PFKM: variants seen among roughly 807,000 people sequenced by gnomAD.
The protein encoded by PFKM is phosphofructokinase, muscle.
PFKM carries 58 observed loss-of-function variants against 95.5 expected under a neutral mutation model. That is an observed-to-expected ratio of 0.61 (90% CI 0.49 to 0.76). PFKM has a LOEUF of 0.76. PFKM is among the 30% of genes least tolerant of loss of function. The pLI is 0.00. For synonymous variants in PFKM, 336 were observed against 357.2 expected (o/e 0.94, Z 0.67); for missense variants, 678 against 1,005.4 (o/e 0.67, Z 4.40).
In PFKM at chr12:48,131,272, A is replaced by G. The variant is rs116172105; in HGVS notation, c.160-44A>G. On this transcript the variant is annotated intron_variant, in intron 3 of 22. Transcript: ENST00000359794. ...GATCCTGTCTTAATCTTGGGAATTT[A>G]TAGAGAAGCCTAACGGGCTGAACAG... is the stretch of plus-strand genomic sequence containing the variant. 2,037 of 1,342,366 alleles carry G rather than the reference A, an allele frequency of 1.5e-3. 28 individuals carry two copies. The African/African-American group carries it at 0.026, about 17-fold the overall frequency. The allele number at this position is 1,342,366 out of a possible 1,614,324, so 83.2% of individuals were successfully genotyped here. A position where few individuals can be genotyped will look rare whatever the true frequency, so the allele number is the denominator to read the frequency against.
intron 2 of PFKM, among the ~76,000 whole-genome samples, chr12:48,129,475 T>G (rs902654120): frequency 1.3e-5 from 2 of 152,102 alleles, no homozygotes; most frequent in African/African-American, 2.4e-5. Context: ...TAGCAAATAT[T>G]TGTTGACTAA....
intron 11 of PFKM, among the ~76,000 whole-genome samples, chr12:48,138,328 G>A (rs1950280348): frequency 6.6e-6 from 1 of 152,208 alleles, no homozygotes; most frequent in African/African-American, 2.4e-5. Flanking sequence ...ATTAGCATGT[G>A]ATACAGTACC....
chr12:48,137,595 C>G, intron 10 of PFKM, 126 bp from the exon 11 acceptor site: 1 of 1,082,624 alleles, frequency 9.2e-7, no homozygotes, highest in Non-Finnish European at 1.4e-6. Flanking sequence ...AAGTTCTTTG[C>G]TGCAGTTCTT....
chr12:48,111,660 T>A (rs571555054), intron 3 of PFKM, among the ~76,000 whole-genome samples: 1 of 152,252 alleles, frequency 6.6e-6, no homozygotes, highest in East Asian at 1.9e-4. Context: ...CTGGTGGAAC[T>A]GCCATCAGTA....
In PFKM at chr12:48,134,288, A is replaced by G. The variant is rs758539811; in HGVS notation, c.638+12A>G. 5 of 1,608,620 alleles carry G rather than the reference A, an allele frequency of 3.1e-6. No individual in the cohort carries two copies. The highest frequency in any genetic ancestry group is 4.3e-6 in the Non-Finnish European group (5 of 1,174,978). ...GGCCGCCACTGTGGGTAAGATCCTC[A>G]TTCTGACCCATTTATTCCGTGGACC... is the stretch of plus-strand genomic sequence containing the variant. On this transcript the variant is annotated intron_variant, in intron 7 of 22. Transcript: ENST00000359794.
At chr12:48,141,670 C>A in intron 15 of PFKM, 70 bp from the exon 16 acceptor site, 1 of 1,154,244 alleles carries the variant, frequency 8.7e-7, no homozygotes, top group Non-Finnish European at 1.3e-6. Context: ...GCTTTTCTCC[C>A]CCTCAATTTT....
chr12:48,107,466 C>G, intron 2 of PFKM: 1 of 1,535,510 alleles, frequency 6.5e-7, no homozygotes, highest in Non-Finnish European at 8.9e-7. Flanking sequence ...GTACCCTTGT[C>G]TCCTGATCAT....
chr12:48,107,847 T>C (rs1022727563), intron 2 of PFKM, among the ~76,000 whole-genome samples: 11 of 152,176 alleles, frequency 7.2e-5, no homozygotes, highest in Non-Finnish European at 1.2e-4. Flanking sequence ...AAAATGGCCT[T>C]CTCATCCACC....
intron 2 of PFKM, chr12:48,125,570 G>A (rs1290651305): frequency 4.3e-5 from 10 of 230,660 alleles, no homozygotes; most frequent in South Asian, 1.2e-4. Flanking sequence ...GCGGTGAGTC[G>A]AGATCACACC....
chr12:48,107,943 A>T, intron 2 of PFKM: 1 of 849,244 alleles, frequency 1.2e-6, no homozygotes, highest in Non-Finnish European at 1.8e-6. Context: ...TCGCGTCTCT[A>T]ATTTTTCACT....
At chr12:48,117,552 T>G (rs1947778949), upstream of PFKM, among the ~76,000 whole-genome samples, 1 of 152,268 alleles carries the variant, frequency 6.6e-6, no homozygotes, top group South Asian at 2.1e-4. Context: ...GGTGTCTCAC[T>G]GTTTTAATTT....
Position 48,137,741 on chromosome 12 carries a change from A to G in PFKM, c.957A>G (p.Glu319=). 6.2e-7 allele frequency: 1 copy of G among 1,614,180 alleles called. No individual in the cohort carries two copies. The change falls in exon 11 of 23, where the codon GAA becomes GAG. Residue 319 remains glutamate, a synonymous_variant. Coordinates refer to ENST00000359794, the MANE Select transcript of PFKM (RefSeq NM_000289.6). ...DRILGSRMGV[E]AVMALLEGTP... is the part of the protein sequence containing the mutation. ...TGCAGGGCAGCAGGATGGGTGTGGA[A>G]GCAGTGATGGCACTTTTGGAGGGGA...
At chr12:48,110,531 G>T (rs891454127) in intron 3 of PFKM, among the ~76,000 whole-genome samples, 3 of 152,120 alleles carry the variant, frequency 2.0e-5, no homozygotes, top group African/African-American at 7.2e-5. Flanking sequence ...AAATGGTGAG[G>T]AACTCATGTC....
At chr12:48,123,773 A>C (rs763457671) in intron 2 of PFKM, among the ~76,000 whole-genome samples, 4 of 152,200 alleles carry the variant, frequency 2.6e-5, no homozygotes, top group Non-Finnish European at 5.9e-5. Context: ...TCCTTTAGGA[A>C]TTTATAGTTT....
rs535578330 is a variant in PFKM at position 48,137,098 on chromosome 12, A to G, written c.937-623A>G. Among the ~76,000 whole-genome samples, 4 of 136,924 alleles carry G rather than the reference A, an allele frequency of 2.9e-5. No individual in the cohort carries two copies. The East Asian group carries it at 6.5e-4, about 22-fold the overall frequency. The allele number at this position is 136,924 out of a possible 152,430, so 89.8% of individuals were successfully genotyped here. On this transcript the variant is annotated intron_variant, in intron 10 of 22. Transcript: ENST00000359794. ...TTTTTAAGAGATGGAGTCTTGCTCT[A>G]TCACCCAGGCTAGAGTGCAGTGGTG... is the stretch of plus-strand genomic sequence containing the variant.
At chr12:48,114,089 G>A (rs1021907380) in intron 3 of PFKM, among the ~76,000 whole-genome samples, 4 of 152,150 alleles carry the variant, frequency 2.6e-5, no homozygotes, top group Non-Finnish European at 4.4e-5. Context: ...GTTCCATTGG[G>A]GATCGCCTCA....
intron 19 of PFKM, 83 bp downstream of exon 19, chr12:48,143,897 C>A (rs1950796288): frequency 1.7e-6 from 2 of 1,176,128 alleles, no homozygotes; most frequent in African/African-American, 1.5e-5. Context: ...TGTTGGGACA[C>A]CCTGAGGAAT....
rs1240991631 is a variant in PFKM at position 48,135,225 on chromosome 12, T to C, written c.844-66T>C. On this transcript the variant is annotated intron_variant, in intron 9 of 22. Transcript: ENST00000359794. The stretch of plus-strand genomic sequence containing the variant: ...CTGAGCTGTCCATGGTTTACCCAAG[T>C]CTCTGCTTGTTTTCTTCCTTTGACT... 5 of 1,387,070 alleles carry C rather than the reference T, an allele frequency of 3.6e-6. No homozygotes were observed. In the African/African-American group the frequency reaches 7.1e-5, roughly 20 times the overall value. 85.9% of individuals were successfully genotyped at this position (1,387,070 alleles called of 1,614,324 possible).
chr12:48,141,081 C>A (rs1284581914), intron 14 of PFKM, among the ~76,000 whole-genome samples: 2 of 152,190 alleles, frequency 1.3e-5, no homozygotes, highest in East Asian at 3.8e-4. Context: ...TTATTTAATT[C>A]TCTGTCCCAA....
Sources: allele counts gnomAD v4.1 joint callset (sites outside exome capture counted in the v4.1 genomes callset), GRCh38; gene constraint gnomAD v4.1.1; transcripts MANE v1.5; gene names NCBI Gene and HGNC (gene_info 2026-07-23, HGNC 2026-07-21).